Variants in UST observed in about 807,000 individuals in gnomAD.
UST encodes the protein chondroitin sulfate 2-O-sulfotransferase.
A neutral mutation model predicts 45.6 loss-of-function variants in UST; 21 were observed. That is an observed-to-expected ratio of 0.46 (90% confidence interval 0.33 to 0.66). UST has a LOEUF of 0.66. Among genes scored for constraint, UST ranks in the 30% least tolerant of loss-of-function variants. UST has a pLI of 0.02. For synonymous variants in UST, 215 were observed against 200.6 expected, an observed-to-expected ratio of 1.07 and a Z score of -0.61; for missense variants, 463 against 512.4, an observed-to-expected ratio of 0.90 and a Z score of 0.93.
intron 1 of UST, among the ~76,000 whole-genome samples, chr6:148,798,742 CAG>C (rs1028180207): frequency 1.5e-4 from 23 of 152,206 alleles, no homozygotes; most frequent in Admixed American, 1.5e-3. Context: ...GTGCTTAGCC[CAG>C]AGTCAGTGCT....
At chr6:148,848,355 C>T (rs1056645286) in intron 1 of UST, among the ~76,000 whole-genome samples, 1 of 152,068 alleles carries the variant, frequency 6.6e-6, no homozygotes, top group Non-Finnish European at 1.5e-5. Flanking sequence ...GAACTAAGCA[C>T]AAAGGCTTAT....
chr6:149,043,575 C>T (rs535104136), intron 7 of UST, among the ~76,000 whole-genome samples: 206 of 152,364 alleles, frequency 1.4e-3, no homozygotes, highest in Admixed American at 2.6e-3. Flanking sequence ...GGCCCTACCA[C>T]GGGAGAGGAA....
chr6:148,909,284 AATAGGTAGTTTCAT>A lies in UST; in HGVS notation c.291+22256_291+22269del, dbSNP rs528836618. ...CATTGTGATGGCTGCTAAAGGATGTAATAGGTAGTTTCATTTGCCTTTGGTCCTGAGCAATCTGA... is the reference window on the plus strand; with the variant it reads ...CATTGTGATGGCTGCTAAAGGATGTATTGCCTTTGGTCCTGAGCAATCTGA... On this transcript the variant is annotated intron_variant, in intron 2 of 7. Coordinates refer to ENST00000367463, the MANE Select transcript of UST (RefSeq NM_005715.3). Among the ~76,000 whole-genome samples, 70 of 152,294 alleles carry A rather than the reference AATAGGTAGTTTCAT, an allele frequency of 4.6e-4. 2 individuals carry two copies. The South Asian group carries it at 0.015, about 32-fold the overall frequency.
At chr6:148,749,757 G>C (rs931811844) in intron 1 of UST, among the ~76,000 whole-genome samples, 1 of 152,194 alleles carries the variant, frequency 6.6e-6, no homozygotes, top group African/African-American at 2.4e-5. Flanking sequence ...TTGGTAGAAG[G>C]GTGAATTCTC....
intron 5 of UST, among the ~76,000 whole-genome samples, chr6:149,004,496 G>A (rs1396472953): frequency 1.3e-5 from 2 of 152,108 alleles, no homozygotes; most frequent in Non-Finnish European, 2.9e-5. Flanking sequence ...ATGATGAAGG[G>A]CCCATGGTGC....
Position 148,790,636 on chromosome 6 carries a change from A to T in UST, c.247+42959A>T, listed in dbSNP as rs1356161670. ...TTCTGAGCATGGCTACCGATGTGTC[A>T]TGGCTGGGTCCCTCCTTCAGCCTGG... On this transcript the variant is annotated intron_variant, in intron 1 of 7. Coordinates refer to ENST00000367463, the MANE Select transcript of UST (RefSeq NM_005715.3). This position sits in a 1 kb window ranked among gnomAD's most constrained non-coding sequence, Gnocchi z 4.2. 6.6e-6 allele frequency among the ~76,000 whole-genome samples: 1 copy of T among 152,122 alleles called. No homozygotes were observed. Among genetic ancestry groups the T allele is most frequent in the African/African-American group, 2.4e-5 (1 of 41,422 alleles).
chr6:148,938,289 T>G (rs539386839), intron 2 of UST, among the ~76,000 whole-genome samples: 2 of 152,196 alleles, frequency 1.3e-5, no homozygotes, highest in Admixed American at 6.5e-5. Context: ...TTCTAGGCAC[T>G]GTGAGGACAC....
chr6:148,788,401 T>A (rs546232831), intron 1 of UST, among the ~76,000 whole-genome samples: 1 of 152,270 alleles, frequency 6.6e-6, no homozygotes, highest in South Asian at 2.1e-4. Flanking sequence ...TTAGCCAGGA[T>A]AAACCTTATT....
At chr6:149,028,048 T>C (rs1776075871) in intron 7 of UST, among the ~76,000 whole-genome samples, 2 of 152,094 alleles carry the variant, frequency 1.3e-5, no homozygotes, top group South Asian at 4.2e-4. Flanking sequence ...TTCACCATGT[T>C]CATCAGGCTG....
At chr6:149,009,345 A>C (rs1775766489) in intron 5 of UST, among the ~76,000 whole-genome samples, 1 of 152,214 alleles carries the variant, frequency 6.6e-6, no homozygotes, top group African/African-American at 2.4e-5. Context: ...TTGGAAAACT[A>C]GAATTAAAGA....
intron 1 of UST, among the ~76,000 whole-genome samples, chr6:148,809,124 C>G (rs80267154): frequency 0.013 from 2,008 of 152,352 alleles, 45 homozygotes; most frequent in African/African-American, 0.046. Context: ...CTGTCACCAA[C>G]TCAAACCTCA....
chr6:148,765,060 G>A (rs946162895), intron 1 of UST, among the ~76,000 whole-genome samples: 3 of 152,124 alleles, frequency 2.0e-5, no homozygotes, highest in Admixed American at 6.5e-5. Context: ...AGAATTTAGC[G>A]GTATTTCTCT....
intron 5 of UST, among the ~76,000 whole-genome samples, chr6:148,980,614 A>G (rs1781112916): frequency 6.6e-6 from 1 of 152,236 alleles, no homozygotes; most frequent in Non-Finnish European, 1.5e-5. Flanking sequence ...TTTCCCAAAT[A>G]AACGCTAATC....
chr6:148,851,556 C>T (rs1778106321), intron 1 of UST, among the ~76,000 whole-genome samples: 1 of 152,088 alleles, frequency 6.6e-6, no homozygotes, highest in African/African-American at 2.4e-5. Context: ...CATACAGATA[C>T]AACTGTTTGA....
chr6:148,881,722 G>A (rs1237948761), intron 1 of UST, among the ~76,000 whole-genome samples: 3 of 152,020 alleles, frequency 2.0e-5, no homozygotes, highest in East Asian at 1.9e-4. Context: ...ACCCACCATC[G>A]ACTCCTTGAC....
At position 148,906,003 on chromosome 6, in the gene UST, T is replaced by G. The variant is rs151325722; in HGVS notation, c.291+18974T>G. ...CATATTTTATACATCTTTTTTGGCTTAATGGATATGTACTAATTATGTGTA... is the reference window on the plus strand; with the variant it reads ...CATATTTTATACATCTTTTTTGGCTGAATGGATATGTACTAATTATGTGTA... On this transcript the variant is annotated intron_variant, in intron 2 of 7. Transcript: ENST00000367463. Among the ~76,000 whole-genome samples, 900 of 151,120 alleles carry G rather than the reference T, an allele frequency of 6.0e-3. 9 individuals are homozygous for G. The highest frequency in any genetic ancestry group is 0.021 in the African/African-American group (843 of 40,408).
intron 1 of UST, among the ~76,000 whole-genome samples, chr6:148,789,426 A>ATCTCTCTCTC (rs751939500): frequency 7.0e-6 from 1 of 143,546 alleles, no homozygotes; most frequent in African/African-American, 2.6e-5. Flanking sequence ...TCTTGTGCAG[A>ATCTCTCTCTC]TCTCTCTCTC....
At chr6:148,857,558 C>T (rs1778228070) in intron 1 of UST, among the ~76,000 whole-genome samples, 1 of 152,140 alleles carries the variant, frequency 6.6e-6, no homozygotes, top group African/African-American at 2.4e-5. Context: ...GTCATCTTAA[C>T]TCCAATTCTG....
intron 1 of UST, among the ~76,000 whole-genome samples, chr6:148,837,884 G>C (rs558030914): frequency 6.6e-6 from 1 of 152,222 alleles, no homozygotes; most frequent in African/African-American, 2.4e-5. Context: ...TGTATTTTTT[G>C]TAGAGACGGG....
Sources: gnomAD v4.1 joint callset for allele counts (sites outside exome capture counted in the v4.1 genomes callset) on GRCh38, gnomAD v4.1.1 for gene constraint, Gnocchi (gnomAD v3.1) non-coding constraint, MANE v1.5 for transcripts, NCBI Gene and HGNC (gene_info 2026-07-23, HGNC 2026-07-21) for gene names.